Variants in CNNM4 observed in about 807,000 individuals in gnomAD.
The protein encoded by CNNM4 is cyclin and CBS domain divalent metal cation transport mediator 4.
Under a neutral mutation model 53.7 loss-of-function variants are expected in CNNM4, and 32 were observed. That is an observed-to-expected ratio of 0.60 (90% confidence interval 0.45 to 0.80). The LOEUF is 0.80. Among genes scored for constraint, CNNM4 ranks in the 30% least tolerant of loss-of-function variants. The pLI, the probability that CNNM4 is intolerant of heterozygous loss-of-function variation, is 0.00. For missense variants in CNNM4, 784 were observed against 1,022.0 expected (o/e 0.77, Z 3.17); for synonymous variants, 410 against 440.0 (o/e 0.93, Z 0.85).
chr2:96,781,243 T>C (rs2078973278), intron 1 of CNNM4, among the ~76,000 whole-genome samples: 1 of 152,110 alleles, frequency 6.6e-6, no homozygotes, highest in African/African-American at 2.4e-5. Context: ...CCTCCCAAAG[T>C]GCTGGGATTA....
Position 96,800,450 on chromosome 2 carries a change from T to A in CNNM4, c.1948+802T>A, listed in dbSNP as rs2079148813. 6.6e-6 allele frequency among the ~76,000 whole-genome samples: 1 copy of A among 152,204 alleles called. No individual in the cohort carries two copies. The highest frequency in any genetic ancestry group is 2.4e-5 in the African/African-American group (1 of 41,460). ...TCCCAGAGAACCTCTGTGCTGTGCC[T>A]CTCACTGTCCTTTGACAAAAAGGAC... is the stretch of plus-strand genomic sequence containing the variant. On this transcript the variant is annotated intron_variant, in intron 5 of 6. Coordinates refer to ENST00000377075, the MANE Select transcript of CNNM4 (RefSeq NM_020184.4). The surrounding 1 kb of genome is among the most constrained non-coding windows in gnomAD (Gnocchi z 4.6).
rs1331854996 is a variant in CNNM4 at position 96,797,093 on chromosome 2, C to T, written c.1484C>T (p.Thr495Ile). ...TTCTACGAGGTCCTGGGCCTGGTCA[C>T]CCTGGAGGACGTGATCGAGGAGATC... ...DPFYEVLGLV[T>I]LEDVIEEIIK... Residue 495 changes from threonine (T) to isoleucine (I), a missense_variant, in exon 2 of 7, where the codon ACC (threonine) becomes ATC (isoleucine). Physicochemically the swap from Thr to Ile is moderately conservative, Grantham distance 89 (BLOSUM62 -1). Transcript: ENST00000377075. This position sits in a 1 kb window ranked among gnomAD's most constrained non-coding sequence, Gnocchi z 6.0. 1 of 1,614,146 alleles carries T rather than the reference C, an allele frequency of 6.2e-7. No homozygotes were observed. Among genetic ancestry groups the T allele is most frequent in the Non-Finnish European group, 8.5e-7 (1 of 1,180,026 alleles).
chr2:96,778,958 T>A (rs932620617), intron 1 of CNNM4, among the ~76,000 whole-genome samples: 1 of 152,032 alleles, frequency 6.6e-6, no homozygotes, highest in Non-Finnish European at 1.5e-5. Context: ...TTATTTATTT[T>A]ATTTATTTAT....
chr2:96,799,199 G>T lies in CNNM4; in HGVS notation c.1824G>T (p.Pro608=). 1 of 1,614,098 alleles carries T rather than the reference G, an allele frequency of 6.2e-7. No homozygotes were observed. Among genetic ancestry groups the T allele is most frequent in the South Asian group, 1.1e-5 (1 of 91,080 alleles). ...ARHYLYTRNK[P]ADYFILILQG... is the part of the protein sequence containing the mutation. ...ATTACCTGTACACCCGAAATAAGCCGGCCGACTACTTCATCCTCATCCTGC... is the reference window on the plus strand; with the variant it reads ...ATTACCTGTACACCCGAAATAAGCCTGCCGACTACTTCATCCTCATCCTGC... Residue 608 remains proline (P), a synonymous_variant, in exon 4 of 7, where the codon CCG becomes CCT. Transcript: ENST00000377075.
At chr2:96,763,733 C>T (rs2078786561) in intron 1 of CNNM4, among the ~76,000 whole-genome samples, 1 of 152,160 alleles carries the variant, frequency 6.6e-6, no homozygotes, top group Non-Finnish European at 1.5e-5. Flanking sequence ...GGGTTGGTAC[C>T]CTCCTAAGTT....
rs376181308 is a variant in CNNM4, at chr2:96,791,767, C to T, written c.1403-5245C>T. Among the ~76,000 whole-genome samples the T allele has an allele frequency of 1.6e-4, 25 of 152,228 alleles. 2 individuals are homozygous for T. The highest frequency in any genetic ancestry group is 6.5e-4 in the Admixed American group (10 of 15,296). On this transcript the variant is annotated intron_variant, in intron 1 of 6. Transcript: ENST00000377075. The stretch of plus-strand genomic sequence containing the variant: ...TTCAATTATATTTTACCAAAACCAG[C>T]AATTCATGTGGCTTAATCTACATAT...
intron 1 of CNNM4, among the ~76,000 whole-genome samples, chr2:96,777,271 G>A (rs1046373064): frequency 3.9e-5 from 6 of 151,914 alleles, no homozygotes; most frequent in Non-Finnish European, 5.9e-5. Flanking sequence ...TGCCCGCCTC[G>A]GCCTCCCAAA....
chr2:96,798,910 G>A, intron 3 of CNNM4, 147 bp from the exon 4 acceptor site: 1 of 779,854 alleles, frequency 1.3e-6, no homozygotes, highest in Non-Finnish European at 2.2e-6. Context: ...CCTCCCCAGG[G>A]AGGTGCAGAA....
chr2:96,792,919 C>T (rs755337518), intron 1 of CNNM4, among the ~76,000 whole-genome samples: 1 of 151,952 alleles, frequency 6.6e-6, no homozygotes, highest in Non-Finnish European at 1.5e-5. Flanking sequence ...GTTTTGGCTG[C>T]GTTAATTTCA....
Position 96,809,456 on chromosome 2 carries a change from C to T in CNNM4, c.2267C>T (p.Thr756Ile), listed in dbSNP as rs746334897. Residue 756 changes from threonine (T) to isoleucine (I), a missense_variant, in exon 7 of 7, where the codon ACA becomes ATA. Coordinates refer to ENST00000377075, the MANE Select transcript of CNNM4 (RefSeq NM_020184.4). ...KSELPVVDET[T>I]TLLNERNSLL... ...GAGCTGCCTGTGGTGGACGAGACCA[C>T]AACTCTTCTCAACGAGCGTAACTCC... 4.6e-5 allele frequency: 75 copies of T among 1,614,124 alleles called. 1 individual carries two copies. The South Asian group carries it at 7.8e-4, about 17-fold the overall frequency.
chr2:96,786,893 A>G (rs2079021200), intron 1 of CNNM4, among the ~76,000 whole-genome samples: 4 of 152,222 alleles, frequency 2.6e-5, no homozygotes, highest in Admixed American at 6.5e-5. Context: ...TTCTCCCCCA[A>G]TATGAAAATA....
chr2:96,762,444 G>T (rs369416762), intron 1 of CNNM4, 43 bp downstream of exon 1: 11 of 1,561,178 alleles, frequency 7.0e-6, no homozygotes, highest in Middle Eastern at 1.7e-4. Flanking sequence ...TCCTCTTGAC[G>T]CCTCTTTTCC....
At chr2:96,781,273 C>T (rs2078973546) in intron 1 of CNNM4, among the ~76,000 whole-genome samples, 1 of 152,086 alleles carries the variant, frequency 6.6e-6, no homozygotes, top group South Asian at 2.1e-4. Flanking sequence ...GCCACCGTGC[C>T]CGGCCTGATC....
chr2:96,762,042 C>G lies in CNNM4; in HGVS notation c.1043C>G (p.Thr348Arg). Residue 348 changes from threonine (T) to arginine (R), a missense_variant, in exon 1 of 7, where the codon ACG becomes AGG. Thr to Arg is a moderately conservative substitution (Grantham distance 71, BLOSUM62 -1). This residue lies in a region of CNNM4 where 473 missense variants were observed against 624.6 expected (regional missense o/e 0.76). Transcript: ENST00000377075. The part of the protein sequence containing the change: ...REKLMEMLKV[T>R]EPYNDLVKEE... ...AAGCTGATGGAGATGTTGAAGGTGA[C>G]GGAGCCCTATAATGACCTCGTGAAA... 4 of 1,614,098 alleles carry G rather than the reference C, an allele frequency of 2.5e-6. No homozygotes were observed. Among genetic ancestry groups the G allele is most frequent in the Non-Finnish European group, 3.4e-6 (4 of 1,180,028 alleles).
In CNNM4 at chr2:96,761,319, G is replaced by T. The variant is rs1186590777; in HGVS notation, c.320G>T (p.Ser107Ile). The change falls in exon 1 of 7, where the codon AGC becomes ATC. Residue 107 changes from serine (S) to isoleucine (I), a missense_variant. Ser to Ile is a moderately radical substitution (Grantham distance 142, BLOSUM62 -2). Around this residue, in one of 3 missense-constraint regions of CNNM4, gnomAD observed 473 missense variants for 624.6 expected, o/e 0.76. Coordinates refer to ENST00000377075, the MANE Select transcript of CNNM4 (RefSeq NM_020184.4). The surrounding 1 kb of genome is among the most constrained non-coding windows in gnomAD (Gnocchi z 6.0). The stretch of plus-strand genomic sequence containing the variant: ...GCCGAGACCCTCCACAAGTCCACCA[G>T]CTGCCTCGAGCTCACCAAGGACCTG... Reference protein sequence around the residue: ...DDAETLHKSTSCLELTKDLVV... With the variant: ...DDAETLHKSTICLELTKDLVV... The T allele has an allele frequency of 6.2e-7, 1 of 1,614,002 alleles. No individual in the cohort carries two copies. The highest frequency in any genetic ancestry group is 1.7e-5 in the Admixed American group (1 of 60,026).
intron 1 of CNNM4, among the ~76,000 whole-genome samples, chr2:96,776,394 A>G (rs186333488): frequency 6.6e-6 from 1 of 152,186 alleles, no homozygotes; most frequent in East Asian, 1.9e-4. Flanking sequence ...TACATGTGAT[A>G]ATTTGATAGA....
chr2:96,772,379 G>A lies in CNNM4; in HGVS notation c.1402+9978G>A, dbSNP rs72493404. ...CAGGCAGGTGCTCACACACACGTGC[G>A]CACACACACTCATGCCCCCCACGTA... On this transcript the variant is annotated intron_variant, in intron 1 of 6. Coordinates refer to ENST00000377075, the MANE Select transcript of CNNM4 (RefSeq NM_020184.4). Among the ~76,000 whole-genome samples the A allele has an allele frequency of 0.012, 1,469 of 124,160 alleles. 17 individuals are homozygous for A. In the Middle Eastern group the frequency reaches 0.12, roughly 10 times the overall value. 81.5% of individuals were successfully genotyped at this position (124,160 alleles called of 152,430 possible).
At chr2:96,764,466 G>A (rs547535768) in intron 1 of CNNM4, among the ~76,000 whole-genome samples, 1 of 152,142 alleles carries the variant, frequency 6.6e-6, no homozygotes, top group African/African-American at 2.4e-5. Context: ...CCGCCCTGGA[G>A]ATGGTGATAG....
At chr2:96,805,299 C>G (rs2079191410) in intron 5 of CNNM4, among the ~76,000 whole-genome samples, 1 of 151,316 alleles carries the variant, frequency 6.6e-6, no homozygotes, top group African/African-American at 2.4e-5. Flanking sequence ...AAACTATAAA[C>G]TGTAAACTAG....
Sources: allele counts gnomAD v4.1 joint callset (sites outside exome capture counted in the v4.1 genomes callset), GRCh38; gene constraint gnomAD v4.1.1; regional missense constraint gnomAD v4.1.1; non-coding constraint Gnocchi (gnomAD v3.1); transcripts MANE v1.5; gene names NCBI Gene and HGNC (gene_info 2026-07-23, HGNC 2026-07-21).